Variants in RALYL observed in about 807,000 individuals in gnomAD.
RALYL encodes RNA-binding Raly-like protein.
In RALYL, 29 loss-of-function variants were observed where a neutral mutation model predicts 35.1. The observed-to-expected ratio is 0.83, with a 90% CI of 0.61 to 1.13. RALYL has a LOEUF of 1.13. Among genes scored for constraint, RALYL ranks in the 50% most tolerant of loss-of-function variants. RALYL has a pLI of 0.00. For missense variants in RALYL, 359 were observed against 360.4 expected (o/e 1.00, Z 0.03); for synonymous variants, 120 against 127.6 (o/e 0.94, Z 0.40).
intron 1 of RALYL, among the ~76,000 whole-genome samples, chr8:84,468,645 T>C (rs2133607617): frequency 1.4e-5 from 2 of 147,692 alleles, no homozygotes; most frequent in Admixed American, 1.4e-4. Flanking sequence ...TCTCGAGGAG[T>C]ATCTTTGTGG....
chr8:84,363,952 T>A (rs1446310299), intron 1 of RALYL, among the ~76,000 whole-genome samples: 10 of 152,148 alleles, frequency 6.6e-5, no homozygotes, highest in Non-Finnish European at 1.3e-4. Context: ...CTGTAGTAGC[T>A]TTTGTATGTT....
At chr8:84,338,747 T>G (rs2130844292) in intron 1 of RALYL, among the ~76,000 whole-genome samples, 1 of 152,212 alleles carries the variant, frequency 6.6e-6, no homozygotes, top group Middle Eastern at 3.4e-3. Context: ...ACACATTGTC[T>G]GACATAGTCA....
chr8:84,690,136 C>T (rs1837725557), intron 2 of RALYL, among the ~76,000 whole-genome samples: 2 of 152,036 alleles, frequency 1.3e-5, no homozygotes, highest in Non-Finnish European at 2.9e-5. Flanking sequence ...AAGTTTCCAT[C>T]AGCGAATGAA....
At chr8:84,370,722 G>T (rs996204176) in intron 1 of RALYL, among the ~76,000 whole-genome samples, 1 of 151,978 alleles carries the variant, frequency 6.6e-6, no homozygotes, top group African/African-American at 2.4e-5. Flanking sequence ...TGTTTAGGTG[G>T]TCAGAAATAT....
chr8:84,407,153 G>A (rs2043621245), intron 1 of RALYL, among the ~76,000 whole-genome samples: 1 of 151,838 alleles, frequency 6.6e-6, no homozygotes, highest in Non-Finnish European at 1.5e-5. Context: ...CATATCTATG[G>A]AATGGAAGTA....
chr8:84,697,240 T>C (rs943405315), intron 2 of RALYL, among the ~76,000 whole-genome samples: 2 of 152,078 alleles, frequency 1.3e-5, no homozygotes, highest in Non-Finnish European at 2.9e-5. Flanking sequence ...TTGAAATTGA[T>C]ATTTTTTAAA....
intron 8 of RALYL, among the ~76,000 whole-genome samples, chr8:84,909,213 G>C (rs1458696146): frequency 6.6e-6 from 1 of 152,120 alleles, no homozygotes; most frequent in Non-Finnish European, 1.5e-5. Context: ...AACACTTAAA[G>C]TCATAAATAC....
rs1036071060 is a variant in RALYL at position 84,706,155 on chromosome 8, C to T, written c.257-68424C>T. The T allele has an allele frequency of 7.5e-5, 86 of 1,147,002 alleles. No individual in the cohort carries two copies. The African/African-American group carries it at 1.2e-3, about 17-fold the overall frequency. 71.1% of individuals were successfully genotyped at this position (1,147,002 alleles called of 1,614,324 possible). ...CTAATCATGACTTCTTCAGATACAT[C>T]CTGGTAGTAGAAAAGATACTGTAGC... On this transcript the variant is annotated intron_variant, in intron 2 of 8. Coordinates refer to ENST00000521268, the MANE Select transcript of RALYL (RefSeq NM_173848.7).
intron 1 of RALYL, among the ~76,000 whole-genome samples, chr8:84,246,281 G>C (rs971217877): frequency 1.3e-5 from 2 of 152,026 alleles, no homozygotes; most frequent in Non-Finnish European, 2.9e-5. Context: ...CTTTGTGTCA[G>C]ACACTATGCT....
chr8:84,663,810 C>G (rs1164513179), intron 2 of RALYL, among the ~76,000 whole-genome samples: 1 of 152,094 alleles, frequency 6.6e-6, no homozygotes, highest in Non-Finnish European at 1.5e-5. Flanking sequence ...GTGCAGAGCT[C>G]TTTAGTTTAA....
chr8:84,727,900 T>C (rs2132759487), intron 2 of RALYL, among the ~76,000 whole-genome samples: 1 of 152,200 alleles, frequency 6.6e-6, no homozygotes, highest in African/African-American at 2.4e-5. Flanking sequence ...TGGTTCCAAG[T>C]CCTTGCTATT....
At chr8:84,424,675 G>T (rs1344661326) in intron 1 of RALYL, among the ~76,000 whole-genome samples, 1 of 151,792 alleles carries the variant, frequency 6.6e-6, no homozygotes, top group East Asian at 1.9e-4. Flanking sequence ...CCCCATCTTT[G>T]TGGTTTTATC....
At chr8:84,530,674 C>G (rs1004120319) in intron 2 of RALYL, among the ~76,000 whole-genome samples, 25 of 152,052 alleles carry the variant, frequency 1.6e-4, no homozygotes, top group African/African-American at 6.0e-4. Flanking sequence ...TTTACTCTTG[C>G]CAGAGTGTCT....
At chr8:84,323,305 G>A (rs1311410210) in intron 1 of RALYL, among the ~76,000 whole-genome samples, 1 of 151,986 alleles carries the variant, frequency 6.6e-6, no homozygotes, top group Non-Finnish European at 1.5e-5. Context: ...AAGGAATGAA[G>A]TATGCTGTAC....
chr8:84,744,631 A>T (rs1487134847), intron 2 of RALYL, among the ~76,000 whole-genome samples: 1 of 151,968 alleles, frequency 6.6e-6, no homozygotes, highest in Non-Finnish European at 1.5e-5. Context: ...ACATCTTGAA[A>T]ATTGCCTATC....
chr8:84,740,875 A>C (rs1023766215), intron 2 of RALYL, among the ~76,000 whole-genome samples: 2 of 152,000 alleles, frequency 1.3e-5, no homozygotes, highest in African/African-American at 4.8e-5. Flanking sequence ...ATAGGTAATA[A>C]GAGGGTTGTG....
chr8:84,586,257 G>A (rs1235641915), intron 2 of RALYL, among the ~76,000 whole-genome samples: 3 of 151,690 alleles, frequency 2.0e-5, no homozygotes, highest in East Asian at 3.9e-4. Context: ...TTTCAGAAAG[G>A]CACTGTCCTT....
At position 84,529,401 on chromosome 8, in the gene RALYL, A is replaced by G; in HGVS notation, c.80A>G (p.Asn27Ser). 7 of 1,612,348 alleles carry G rather than the reference A, an allele frequency of 4.3e-6. No individual in the cohort carries two copies. The highest frequency in any genetic ancestry group is 5.1e-6 in the Non-Finnish European group (6 of 1,179,158). The change falls in exon 2 of 9, where the codon AAT becomes AGT. Residue 27 changes from asparagine to serine, a missense_variant. Coordinates refer to ENST00000521268, the MANE Select transcript of RALYL (RefSeq NM_173848.7). ...KSINSRVFIG[N>S]LNTAIVKKVD... ...ATCAACTCCCGTGTTTTCATCGGCA[A>G]TCTAAATACGGCAATTGTCAAGAAA...
chr8:84,291,077 C>T (rs1838691427), intron 1 of RALYL, among the ~76,000 whole-genome samples: 1 of 152,076 alleles, frequency 6.6e-6, no homozygotes, highest in African/African-American at 2.4e-5. Context: ...TGAAACCCTA[C>T]AAGCTCATTG....
Sources: allele counts gnomAD v4.1 joint callset (sites outside exome capture counted in the v4.1 genomes callset), GRCh38; gene constraint gnomAD v4.1.1; transcripts MANE v1.5; gene names NCBI Gene and HGNC (gene_info 2026-07-23, HGNC 2026-07-21).